Variants in ZSWIM6 observed in about 807,000 individuals in gnomAD.
The protein encoded by ZSWIM6 is zinc finger SWIM domain-containing protein 6.
In ZSWIM6, 9 loss-of-function variants were observed where a neutral mutation model predicts 113.2. The ratio of observed to expected loss-of-function variants is 0.08; its 90% CI spans 0.05 to 0.14. The LOEUF is 0.14. Among genes scored for constraint, ZSWIM6 ranks in the 10% least tolerant of loss-of-function variants. The pLI is 1.00. For synonymous variants in ZSWIM6, 611 were observed against 606.5 expected, an observed-to-expected ratio of 1.01 and a Z score of -0.11; for missense variants, 1,162 against 1,552.2, an observed-to-expected ratio of 0.75 and a Z score of 4.22.
At chr5:61,485,984 A>G (rs1366265938) in intron 2 of ZSWIM6, among the ~76,000 whole-genome samples, 1 of 152,122 alleles carries the variant, frequency 6.6e-6, no homozygotes, top group Non-Finnish European at 1.5e-5. Context: ...TTTTATTTGT[A>G]TAAATTTTGA....
At chr5:61,387,371 T>C (rs1474723635) in intron 1 of ZSWIM6, among the ~76,000 whole-genome samples, 1 of 152,220 alleles carries the variant, frequency 6.6e-6, no homozygotes, top group East Asian at 1.9e-4. Flanking sequence ...ATGTAAGAAA[T>C]TGAGAAAAAG....
At chr5:61,415,739 C>G (rs1746235240) in intron 1 of ZSWIM6, among the ~76,000 whole-genome samples, 1 of 152,114 alleles carries the variant, frequency 6.6e-6, no homozygotes, top group African/African-American at 2.4e-5. Context: ...AATGGCATAA[C>G]CAGTCAACTA....
intron 1 of ZSWIM6, among the ~76,000 whole-genome samples, chr5:61,378,302 G>A (rs1745411117): frequency 6.6e-6 from 1 of 152,134 alleles, no homozygotes; most frequent in South Asian, 2.1e-4. Context: ...GTAGCATGTA[G>A]TTATTAAAAA....
intron 1 of ZSWIM6, among the ~76,000 whole-genome samples, chr5:61,448,206 T>G (rs1182104983): frequency 6.6e-6 from 1 of 152,184 alleles, no homozygotes; most frequent in Non-Finnish European, 1.5e-5. Context: ...GTTTCCATAG[T>G]GCATTAGCAT....
chr5:61,435,053 G>A (rs984741762), intron 1 of ZSWIM6, among the ~76,000 whole-genome samples: 22 of 152,246 alleles, frequency 1.4e-4, no homozygotes, highest in African/African-American at 4.8e-4. Flanking sequence ...TAGTACCTGT[G>A]TTCTGGACAG....
intron 4 of ZSWIM6, among the ~76,000 whole-genome samples, chr5:61,510,311 C>T (rs987195890): frequency 8.6e-5 from 13 of 152,018 alleles, no homozygotes; most frequent in African/African-American, 2.9e-4. Context: ...CCACATTTGC[C>T]GAGTATGGGT....
intron 1 of ZSWIM6, among the ~76,000 whole-genome samples, chr5:61,372,820 T>C (rs887363818): frequency 6.6e-6 from 1 of 152,212 alleles, no homozygotes; most frequent in African/African-American, 2.4e-5. Flanking sequence ...CATTTCTGAG[T>C]TGTTCAAGTC....
At chr5:61,515,405 G>A (rs1423100761) in intron 4 of ZSWIM6, among the ~76,000 whole-genome samples, 1 of 152,186 alleles carries the variant, frequency 6.6e-6, no homozygotes, top group Non-Finnish European at 1.5e-5. Context: ...AAAGTGCTGG[G>A]ATTACAGGCG....
intron 1 of ZSWIM6, among the ~76,000 whole-genome samples, chr5:61,454,220 A>G (rs939359807): frequency 1.8e-3 from 30 of 16,840 alleles, no homozygotes; most frequent in Non-Finnish European, 3.1e-3. Flanking sequence ...CCTAAATTTT[A>G]TTTTATTTTA....
At chr5:61,463,033 G>A (rs1264118135) in intron 1 of ZSWIM6, among the ~76,000 whole-genome samples, 1 of 152,002 alleles carries the variant, frequency 6.6e-6, no homozygotes, top group Non-Finnish European at 1.5e-5. Flanking sequence ...TAATTGAATT[G>A]CTTCTAATAT....
chr5:61,333,509 C>T (rs1165850114), intron 1 of ZSWIM6, among the ~76,000 whole-genome samples: 1 of 152,042 alleles, frequency 6.6e-6, no homozygotes, highest in Non-Finnish European at 1.5e-5. Context: ...GGCCGCCGCT[C>T]CTCCCAGGGC....
At chr5:61,443,905 T>C (rs963863033) in intron 1 of ZSWIM6, among the ~76,000 whole-genome samples, 1 of 152,182 alleles carries the variant, frequency 6.6e-6, no homozygotes, top group African/African-American at 2.4e-5. Context: ...GAAACATAAA[T>C]CTAATTTTAA....
In ZSWIM6 at chr5:61,396,479, C is replaced by T. The variant is rs184150714; in HGVS notation, c.676+63531C>T. 1.8e-3 allele frequency among the ~76,000 whole-genome samples: 261 copies of T among 148,498 alleles called. 3 individuals carry two copies. The highest frequency in any genetic ancestry group is 6.1e-3 in the African/African-American group (246 of 40,194). ...CCGGGAGGCAGAGGTTGCAGTGAGC[C>T]GACATCGCGCCACTGCACTCCAGCC... is the stretch of plus-strand genomic sequence containing the variant. On this transcript the variant is annotated intron_variant, in intron 1 of 13. Coordinates refer to ENST00000252744, the MANE Select transcript of ZSWIM6 (RefSeq NM_020928.2).
intron 1 of ZSWIM6, among the ~76,000 whole-genome samples, chr5:61,366,176 G>A (rs897365048): frequency 3.3e-5 from 5 of 152,136 alleles, no homozygotes; most frequent in Middle Eastern, 3.2e-3. Flanking sequence ...GATTACAAGC[G>A]TGAACCACCA....
intron 8 of ZSWIM6, among the ~76,000 whole-genome samples, chr5:61,531,007 C>T (rs990624798): frequency 6.6e-6 from 1 of 152,166 alleles, no homozygotes; most frequent in Non-Finnish European, 1.5e-5. Flanking sequence ...CTTGTGATAA[C>T]TGATGACTCT....
At chr5:61,525,391 T>C (rs1020042573) in intron 5 of ZSWIM6, among the ~76,000 whole-genome samples, 1 of 152,196 alleles carries the variant, frequency 6.6e-6, no homozygotes, top group African/African-American at 2.4e-5. Context: ...GTCGCATCTC[T>C]TGCATAGTGT....
rs1370638360 is a variant in ZSWIM6, at chr5:61,505,688, C to T, written c.1333+11278C>T. Among the ~76,000 whole-genome samples, 15 of 107,684 alleles carry T rather than the reference C, an allele frequency of 1.4e-4. 1 individual carries two copies. Among genetic ancestry groups the T allele is most frequent in the Non-Finnish European group, 2.4e-4 (12 of 49,266 alleles). The allele number at this position is 107,684 out of a possible 152,430, so 70.6% of individuals were successfully genotyped here. On this transcript the variant is annotated intron_variant, in intron 4 of 13. Transcript: ENST00000252744. ...CTTCCTTCCTTCTTTCCTTGCCTCCCTCCCTCCCTTCCTTCCTCCCTTCCT... is the reference window on the plus strand; with the variant it reads ...CTTCCTTCCTTCTTTCCTTGCCTCCTTCCCTCCCTTCCTTCCTCCCTTCCT...
At chr5:61,470,668 C>A (rs1747547701) in intron 1 of ZSWIM6, among the ~76,000 whole-genome samples, 1 of 151,824 alleles carries the variant, frequency 6.6e-6, no homozygotes, top group Non-Finnish European at 1.5e-5. Flanking sequence ...CTGGAATATC[C>A]ATTCTGAAAC....
chr5:61,442,572 A>G (rs558069116), intron 1 of ZSWIM6, among the ~76,000 whole-genome samples: 78 of 152,218 alleles, frequency 5.1e-4, no homozygotes, highest in Admixed American at 1.8e-3. Flanking sequence ...TCAGTCCCAT[A>G]TACTTGGCCT....
Sources: gnomAD v4.1 joint callset for allele counts (sites outside exome capture counted in the v4.1 genomes callset) on GRCh38, gnomAD v4.1.1 for gene constraint, MANE v1.5 for transcripts, NCBI Gene and HGNC (gene_info 2026-07-23, HGNC 2026-07-21) for gene names.